CPXM2: variants seen among roughly 807,000 people sequenced by gnomAD.
CPXM2 encodes the protein inactive carboxypeptidase-like protein X2.
CPXM2 carries 66 observed loss-of-function variants against 86.1 expected under a neutral mutation model. That is an observed-to-expected ratio of 0.77 (90% CI 0.63 to 0.94). CPXM2 has a LOEUF of 0.94. Ranked by LOEUF, CPXM2 falls within the 40% of genes least tolerant of loss-of-function variation. The pLI is 0.00. For synonymous variants in CPXM2, 388 were observed against 400.2 expected (o/e 0.97, Z 0.36); for missense variants, 948 against 1,026.3 (o/e 0.92, Z 1.04).
At chr10:123,854,437 A>G (rs1231046511) in intron 3 of CPXM2, among the ~76,000 whole-genome samples, 1 of 121,238 alleles carries the variant, frequency 8.2e-6, no homozygotes, top group Non-Finnish European at 1.7e-5. Flanking sequence ...TATATATAAT[A>G]TACTTTTATA....
chr10:123,909,361 G>C (rs1432073728), intron 2 of CPXM2, among the ~76,000 whole-genome samples: 1 of 152,172 alleles, frequency 6.6e-6, no homozygotes, highest in Non-Finnish European at 1.5e-5. Flanking sequence ...GTCCACACAA[G>C]GCTTAATTTT....
At chr10:123,932,680 A>C (rs1157319428) in intron 2 of CPXM2, among the ~76,000 whole-genome samples, 1 of 152,206 alleles carries the variant, frequency 6.6e-6, no homozygotes, top group Non-Finnish European at 1.5e-5. Context: ...TCTGTGTACA[A>C]GGTGAATCAA....
chr10:123,803,161 T>C (rs1302499727), intron 4 of CPXM2, among the ~76,000 whole-genome samples: 5 of 114,670 alleles, frequency 4.4e-5, no homozygotes, highest in Non-Finnish European at 6.9e-5. Context: ...GAGACAGCGT[T>C]TTGCTCTGTC....
At chr10:123,812,174 T>TA (rs577597419) in intron 4 of CPXM2, among the ~76,000 whole-genome samples, 16 of 151,866 alleles carry the variant, frequency 1.1e-4, no homozygotes, top group African/African-American at 3.9e-4. Flanking sequence ...ACAGCAACAA[T>TA]AAAAAATCAA....
intron 1 of CPXM2, among the ~76,000 whole-genome samples, chr10:123,890,132 A>G (rs537987276): frequency 1.3e-5 from 2 of 152,354 alleles, no homozygotes; most frequent in South Asian, 4.1e-4. Context: ...ATGGAGTCAC[A>G]GTCGACATTC....
chr10:123,889,638 G>GTT (rs1945235041), intron 1 of CPXM2, among the ~76,000 whole-genome samples: 1 of 152,200 alleles, frequency 6.6e-6, no homozygotes, highest in Non-Finnish European at 1.5e-5. Context: ...CATTAAAAAG[G>GTT]TTTTTACAGC....
At chr10:123,789,691 G>A (rs754705494) in intron 6 of CPXM2, among the ~76,000 whole-genome samples, 5 of 152,162 alleles carry the variant, frequency 3.3e-5, no homozygotes, top group African/African-American at 4.8e-5. Context: ...ATGGAGCAAC[G>A]GTGAGAGCAC....
intron 4 of CPXM2, among the ~76,000 whole-genome samples, chr10:123,818,981 G>T (rs936072671): frequency 6.6e-6 from 1 of 152,116 alleles, no homozygotes; most frequent in African/African-American, 2.4e-5. Context: ...ACGACATTAC[G>T]TTCTGCTGGC....
chr10:123,866,835 GCA>G (rs1194837397), intron 2 of CPXM2, among the ~76,000 whole-genome samples: 1 of 152,216 alleles, frequency 6.6e-6, no homozygotes, highest in Admixed American at 6.5e-5. Flanking sequence ...TATCAGTCAG[GCA>G]CACAGCAGTA....
intron 4 of CPXM2, among the ~76,000 whole-genome samples, chr10:123,824,532 T>C (rs1334707419): frequency 6.6e-6 from 1 of 151,962 alleles, no homozygotes; most frequent in Non-Finnish European, 1.5e-5. Context: ...GTGAGCAAAA[T>C]CCACACCATG....
intron 2 of CPXM2, among the ~76,000 whole-genome samples, chr10:123,915,046 T>C (rs1945524221): frequency 6.6e-6 from 1 of 152,144 alleles, no homozygotes; most frequent in Non-Finnish European, 1.5e-5. Flanking sequence ...TCTGGTCCCC[T>C]CCCCTCCCGC....
At chr10:123,840,108 G>A (rs1848357452) in intron 4 of CPXM2, among the ~76,000 whole-genome samples, 1 of 152,182 alleles carries the variant, frequency 6.6e-6, no homozygotes, top group South Asian at 2.1e-4. Context: ...AAGGACAGTG[G>A]CCAGACAGCT....
At chr10:123,764,070 A>T (rs1160736237) in intron 10 of CPXM2, among the ~76,000 whole-genome samples, 1 of 152,156 alleles carries the variant, frequency 6.6e-6, no homozygotes, top group African/African-American at 2.4e-5. Flanking sequence ...ACATCTTGTC[A>T]TGTTTATTAA....
intron 4 of CPXM2, among the ~76,000 whole-genome samples, chr10:123,807,515 A>G (rs1847605482): frequency 1.3e-5 from 2 of 152,148 alleles, no homozygotes; most frequent in African/African-American, 2.4e-5. Flanking sequence ...TACAAAGGTA[A>G]CTTATACAAC....
intron 2 of CPXM2, among the ~76,000 whole-genome samples, chr10:123,935,259 C>T (rs1405463264): frequency 6.6e-6 from 1 of 152,182 alleles, no homozygotes; most frequent in Non-Finnish European, 1.5e-5. Context: ...GGCTTAAACC[C>T]TCCTCTCTCA....
At chr10:123,838,747 C>T (rs1402534145) in intron 4 of CPXM2, among the ~76,000 whole-genome samples, 3 of 152,196 alleles carry the variant, frequency 2.0e-5, no homozygotes, top group Admixed American at 6.5e-5. Flanking sequence ...CATGGCTTGT[C>T]TTGGTGTGAA....
At chr10:123,940,581 C>T (rs1945765914), upstream of CPXM2, among the ~76,000 whole-genome samples, 1 of 152,216 alleles carries the variant, frequency 6.6e-6, no homozygotes, top group African/African-American at 2.4e-5. Flanking sequence ...GCTTATTTCC[C>T]TCATTTCCAA....
intron 2 of CPXM2, among the ~76,000 whole-genome samples, chr10:123,939,040 A>C (rs1945749261): frequency 6.6e-6 from 1 of 152,158 alleles, no homozygotes; most frequent in Admixed American, 6.5e-5. Context: ...AGGAGCAGAC[A>C]CATTATGTTC....
At chr10:123,875,961 T>C (rs1368751364) in intron 2 of CPXM2, among the ~76,000 whole-genome samples, 1 of 151,852 alleles carries the variant, frequency 6.6e-6, no homozygotes, top group Non-Finnish European at 1.5e-5. Flanking sequence ...GGATTACAAG[T>C]GCATGCTGCC....
Sources: gnomAD v4.1 joint callset for allele counts (sites outside exome capture counted in the v4.1 genomes callset) on GRCh38, gnomAD v4.1.1 for gene constraint, MANE v1.5 for transcripts, NCBI Gene and HGNC (gene_info 2026-07-23, HGNC 2026-07-21) for gene names.